Variants in PIK3C2G observed in about 807,000 individuals in gnomAD.
PIK3C2G encodes phosphatidylinositol 3-kinase C2 domain-containing subunit gamma.
Under a neutral mutation model 181.1 loss-of-function variants are expected in PIK3C2G, and 168 were observed. The observed-to-expected ratio is 0.93, with a 90% CI of 0.82 to 1.05. PIK3C2G has a LOEUF of 1.05. Among genes scored for constraint, PIK3C2G ranks in the 50% least tolerant of loss-of-function variants. The pLI, the probability that PIK3C2G is intolerant of heterozygous loss-of-function variation, is 0.00. For synonymous variants in PIK3C2G, 573 were observed against 592.2 expected (o/e 0.97, Z 0.47); for missense variants, 1,869 against 1,732.8 (o/e 1.08, Z -1.40).
intron 5 of PIK3C2G, among the ~76,000 whole-genome samples, chr12:18,295,870 T>C (rs868397012): frequency 6.6e-6 from 1 of 152,062 alleles, no homozygotes; most frequent in South Asian, 2.1e-4. Flanking sequence ...ATTCAAATAT[T>C]ACTTTTAGTG....
At chr12:18,526,886 T>C (rs546124832) in intron 24 of PIK3C2G, among the ~76,000 whole-genome samples, 9 of 152,302 alleles carry the variant, frequency 5.9e-5, no homozygotes. Context: ...TACTGTTTTA[T>C]TGCATGATTT....
intron 24 of PIK3C2G, among the ~76,000 whole-genome samples, chr12:18,525,770 C>T (rs992116724): frequency 3.3e-5 from 5 of 152,164 alleles, no homozygotes; most frequent in Non-Finnish European, 7.4e-5. Flanking sequence ...TTCATCACTG[C>T]ATAACAGGAC....
chr12:18,691,556 A>G, the PIK3C2G span, among the ~76,000 whole-genome samples: 1 of 152,262 alleles, frequency 6.6e-6, no homozygotes, highest in Admixed American at 6.5e-5. Flanking sequence ...AAAAATGACA[A>G]TCACTTGGAA....
chr12:18,491,916 A>T (rs892919179), intron 20 of PIK3C2G, among the ~76,000 whole-genome samples: 2 of 152,172 alleles, frequency 1.3e-5, no homozygotes, highest in African/African-American at 4.8e-5. Context: ...GTTTATTTAG[A>T]CTATGTGCAT....
chr12:18,415,391 C>T (rs562101257), intron 16 of PIK3C2G, among the ~76,000 whole-genome samples: 47 of 152,108 alleles, frequency 3.1e-4, no homozygotes, highest in Non-Finnish European at 5.1e-4. Context: ...CAAGGTGCAC[C>T]CACAGTACAG....
At position 18,346,670 on chromosome 12, in the gene PIK3C2G, T is replaced by C; in HGVS notation, c.1459T>C (p.Ser487Pro). The C allele has an allele frequency of 6.2e-7, 1 of 1,613,032 alleles. No homozygotes were observed. Among genetic ancestry groups the C allele is most frequent in the Non-Finnish European group, 8.5e-7 (1 of 1,179,166 alleles). Residue 487 changes from serine (S) to proline (P), a missense_variant, in exon 11 of 33, where the codon TCC becomes CCC. Transcript: ENST00000538779. ...GLIEKVTTELSTSIYQLINVY... is the reference protein window; with the variant it reads ...GLIEKVTTELPTSIYQLINVY... The stretch of plus-strand genomic sequence containing the variant: ...GATAGAGAAGGTAACAACTGAACTA[T>C]CCACATCCATCTACCAGCTAATCAA...
the PIK3C2G span, among the ~76,000 whole-genome samples, chr12:18,660,649 C>T: frequency 6.6e-6 from 1 of 151,958 alleles, no homozygotes; most frequent in African/African-American, 2.4e-5. Flanking sequence ...ACAGAGAAGC[C>T]TATATCAATT....
intron 13 of PIK3C2G, among the ~76,000 whole-genome samples, chr12:18,376,185 C>A (rs1293700490): frequency 6.6e-6 from 1 of 152,202 alleles, no homozygotes; most frequent in Non-Finnish European, 1.5e-5. Context: ...GAGCCACCAG[C>A]AGCTTACAAT....
intron 16 of PIK3C2G, 81 bp from the exon 17 acceptor site, chr12:18,420,860 T>C (rs1945442497): frequency 1.3e-6 from 1 of 753,758 alleles, no homozygotes; most frequent in Non-Finnish European, 2.4e-6. Flanking sequence ...GGGGTAGAAT[T>C]CATTCTCTGT....
At chr12:18,303,157 TTCTC>T (rs1283625711) in intron 5 of PIK3C2G, among the ~76,000 whole-genome samples, 3 of 129,846 alleles carry the variant, frequency 2.3e-5, no homozygotes, top group South Asian at 4.9e-4. Flanking sequence ...TCTTTCTTCT[TTCTC>T]TTTCTTTCTT....
intron 24 of PIK3C2G, among the ~76,000 whole-genome samples, chr12:18,523,883 T>C (rs1267899550): frequency 1.3e-5 from 2 of 152,202 alleles, no homozygotes; most frequent in Admixed American, 1.3e-4. Flanking sequence ...CTGTCAACCC[T>C]GGGAAGACTT....
chr12:18,376,555 A>T (rs1942451157), intron 13 of PIK3C2G, among the ~76,000 whole-genome samples: 1 of 152,202 alleles, frequency 6.6e-6, no homozygotes, highest in Non-Finnish European at 1.5e-5. Context: ...ACTTTGGGTG[A>T]CTATTGAGAA....
At chr12:18,335,742 T>C (rs1356873090) in intron 8 of PIK3C2G, among the ~76,000 whole-genome samples, 1 of 152,174 alleles carries the variant, frequency 6.6e-6, no homozygotes, top group Non-Finnish European at 1.5e-5. Flanking sequence ...CAACTCAATT[T>C]TACAATTGCA....
chr12:18,647,966 C>G lies in PIK3C2G; in HGVS notation c.4399C>G (p.Arg1467Gly). Residue 1467 changes from arginine (R) to glycine (G), a missense_variant, in exon 33 of 33, where the codon CGA becomes GGA. Physicochemically the swap from Arg to Gly is moderately radical, Grantham distance 125. Transcript: ENST00000538779. ...TGTATTTGTGGGAGCAATTAACATC[C>G]GACTCTGTAGTGTCCCACTCGATAA... ...KTVFVGAINI[R>G]LCSVPLDKEK... 6.2e-7 allele frequency: 1 copy of G among 1,602,006 alleles called. No homozygotes were observed. The highest frequency in any genetic ancestry group is 1.7e-4 in the Middle Eastern group (1 of 6,024).
intron 26 of PIK3C2G, among the ~76,000 whole-genome samples, chr12:18,549,376 C>A (rs1402933424): frequency 6.6e-6 from 1 of 151,964 alleles, no homozygotes. Context: ...ATATAAAAAG[C>A]ATATAATAAT....
At chr12:18,596,273 T>C (rs760997419) in intron 30 of PIK3C2G, among the ~76,000 whole-genome samples, 3 of 152,048 alleles carry the variant, frequency 2.0e-5, no homozygotes, top group Admixed American at 6.6e-5. Context: ...ATTCAGGGTC[T>C]CCGAACTGCT....
At chr12:18,249,009 A>C (rs1341429510) in intron 1 of PIK3C2G, among the ~76,000 whole-genome samples, 1 of 152,204 alleles carries the variant, frequency 6.6e-6, no homozygotes, top group East Asian at 1.9e-4. Flanking sequence ...CACATAAAAC[A>C]GTATCTGGCA....
chr12:18,323,455 G>A lies in PIK3C2G; in HGVS notation c.1209-1580G>A, dbSNP rs549346680. On this transcript the variant is annotated intron_variant, in intron 7 of 32. Coordinates refer to ENST00000538779, the MANE Select transcript of PIK3C2G (RefSeq NM_001288772.2). ...TGACTAAAACCAAGTATCTAACTCT[G>A]AATCAGTGCTTATTCCACTTCCATT... Among the ~76,000 whole-genome samples the A allele has an allele frequency of 9.2e-5, 14 of 152,234 alleles. 1 individual carries two copies. The highest frequency in any genetic ancestry group is 3.4e-4 in the African/African-American group (14 of 41,538).
At chr12:18,579,550 T>C in intron 29 of PIK3C2G, among the ~76,000 whole-genome samples, 1 of 150,210 alleles carries the variant, frequency 6.7e-6, no homozygotes, top group East Asian at 2.0e-4. Context: ...CCTCTGTCTG[T>C]CTCTCTCTCT....
Sources: allele counts gnomAD v4.1 joint callset (sites outside exome capture counted in the v4.1 genomes callset), GRCh38; gene constraint gnomAD v4.1.1; transcripts MANE v1.5; gene names NCBI Gene and HGNC (gene_info 2026-07-23, HGNC 2026-07-21).